The following DOCK10 variants were observed in gnomAD, a reference collection of about 807,000 sequenced individuals.
DOCK10 encodes the protein dedicator of cytokinesis protein 10.
In DOCK10, 145 loss-of-function variants were observed where a neutral mutation model predicts 280.1. That is an observed-to-expected ratio of 0.52 (90% confidence interval 0.45 to 0.59). The LOEUF (loss-of-function observed/expected upper bound fraction) is 0.59, where lower values mean the gene tolerates loss of function less well. Among genes scored for constraint, DOCK10 ranks in the 20% least tolerant of loss-of-function variants. DOCK10 has a pLI of 0.00. For synonymous variants in DOCK10, 915 were observed against 942.2 expected (o/e 0.97, Z 0.53); for missense variants, 2,368 against 2,651.7 (o/e 0.89, Z 2.35).
At chr2:224,980,776 T>C (rs1313196434) in intron 1 of DOCK10, among the ~76,000 whole-genome samples, 3 of 152,196 alleles carry the variant, frequency 2.0e-5, no homozygotes, top group Admixed American at 6.5e-5. Flanking sequence ...ATTTAGCAGC[T>C]GTGTAATGTT....
At chr2:224,801,294 A>C (rs1692983735) in intron 40 of DOCK10, among the ~76,000 whole-genome samples, 2 of 151,518 alleles carry the variant, frequency 1.3e-5, no homozygotes, top group South Asian at 4.2e-4. Flanking sequence ...AAAAAAAAAA[A>C]AAAAAAAAAC....
intron 30 of DOCK10, 72 bp from the exon 31 acceptor site, chr2:224,814,436 G>T: frequency 1.2e-6 from 1 of 818,080 alleles, no homozygotes; most frequent in Non-Finnish European, 1.8e-6. Context: ...TTCATTATGT[G>T]TAGTTTATAC....
chr2:224,783,415 C>T (rs1415957999), intron 50 of DOCK10, among the ~76,000 whole-genome samples: 1 of 151,974 alleles, frequency 6.6e-6, no homozygotes, highest in African/African-American at 2.4e-5. Flanking sequence ...GCTGGGATTA[C>T]AGGCGCTCGC....
chr2:224,993,587 T>C (rs942399915), intron 1 of DOCK10, among the ~76,000 whole-genome samples: 8 of 152,204 alleles, frequency 5.3e-5, no homozygotes, highest in African/African-American at 1.4e-4. Flanking sequence ...GCATTTCAGA[T>C]GAGAAGAATG....
At chr2:225,021,459 T>C (rs1186652849) in intron 1 of DOCK10, among the ~76,000 whole-genome samples, 1 of 152,194 alleles carries the variant, frequency 6.6e-6, no homozygotes, top group African/African-American at 2.4e-5. Context: ...AACCTAATTT[T>C]TATTTGCTAA....
chr2:224,911,275 C>T (rs77263653), intron 3 of DOCK10, among the ~76,000 whole-genome samples: 2,271 of 152,156 alleles, frequency 0.015, 52 homozygotes, highest in African/African-American at 0.052. Context: ...AAAATAAAGG[C>T]AAATTTTGTT....
intron 1 of DOCK10, among the ~76,000 whole-genome samples, chr2:225,009,843 T>A (rs1689384895): frequency 6.6e-6 from 1 of 152,178 alleles, no homozygotes; most frequent in Non-Finnish European, 1.5e-5. Flanking sequence ...TGCAGGCTGA[T>A]GTGGATGTGA....
intron 26 of DOCK10, among the ~76,000 whole-genome samples, chr2:224,831,983 G>A (rs1695270050): frequency 6.6e-6 from 1 of 152,178 alleles, no homozygotes; most frequent in Non-Finnish European, 1.5e-5. Flanking sequence ...GAGGACAGGT[G>A]CAGTATGAGA....
At chr2:224,903,447 A>G (rs1262117502) in intron 3 of DOCK10, among the ~76,000 whole-genome samples, 2 of 152,218 alleles carry the variant, frequency 1.3e-5, no homozygotes, top group Non-Finnish European at 2.9e-5. Flanking sequence ...TTCATGGTAA[A>G]TTGAAAGTGA....
chr2:224,916,108 C>A (rs1701294959), intron 3 of DOCK10, among the ~76,000 whole-genome samples: 4 of 152,190 alleles, frequency 2.6e-5, no homozygotes, highest in Admixed American at 2.6e-4. Flanking sequence ...TGAGATCTGG[C>A]CATTTGGCTG....
At chr2:225,037,899 G>A (rs138738963) in intron 1 of DOCK10, among the ~76,000 whole-genome samples, 1 of 152,118 alleles carries the variant, frequency 6.6e-6, no homozygotes, top group Non-Finnish European at 1.5e-5. Context: ...CAATGCCCTT[G>A]AGAAATAAAA....
chr2:224,859,527 G>A (rs1355975650), intron 14 of DOCK10, among the ~76,000 whole-genome samples: 1 of 152,144 alleles, frequency 6.6e-6, no homozygotes, highest in African/African-American at 2.4e-5. Flanking sequence ...TACTGCAGCT[G>A]GTGCCAAATA....
chr2:224,985,519 A>T (rs1309040296), intron 1 of DOCK10, among the ~76,000 whole-genome samples: 1 of 152,014 alleles, frequency 6.6e-6, no homozygotes, highest in Non-Finnish European at 1.5e-5. Flanking sequence ...TGCTCATAGG[A>T]AATGGAAGGA....
chr2:224,885,068 C>T (rs994350530), intron 7 of DOCK10, among the ~76,000 whole-genome samples: 1 of 152,194 alleles, frequency 6.6e-6, no homozygotes, highest in African/African-American at 2.4e-5. Context: ...GGCACGATCT[C>T]GGCTCACTGC....
chr2:225,032,241 T>TA (rs1446821494), intron 1 of DOCK10, among the ~76,000 whole-genome samples: 1 of 152,172 alleles, frequency 6.6e-6, no homozygotes, highest in Non-Finnish European at 1.5e-5. Flanking sequence ...CAAAGAAGCT[T>TA]AAAGACTTGG....
At chr2:224,919,761 A>G (rs192512758) in intron 2 of DOCK10, among the ~76,000 whole-genome samples, 1 of 152,146 alleles carries the variant, frequency 6.6e-6, no homozygotes, top group East Asian at 1.9e-4. Flanking sequence ...GTATCCTGTG[A>G]AAGAGGAAGA....
intron 1 of DOCK10, among the ~76,000 whole-genome samples, chr2:224,986,119 CACATAATGCTG>C (rs1705967595): frequency 6.6e-6 from 1 of 152,210 alleles, no homozygotes; most frequent in Non-Finnish European, 1.5e-5. Flanking sequence ...AGTCTTCTGA[CACATAATGCTG>C]ACCTTGGATG....
intron 1 of DOCK10, among the ~76,000 whole-genome samples, chr2:225,033,660 C>T (rs924208071): frequency 2.0e-5 from 3 of 152,130 alleles, no homozygotes; most frequent in Admixed American, 1.3e-4. Flanking sequence ...CCAGCAAACA[C>T]AAGCATTTAT....
rs1423331286 is a variant in DOCK10, at chr2:224,853,097, A to G, written c.1914T>C (p.Pro638=). Residue 638 remains proline, a synonymous_variant, in exon 17 of 56, where the codon CCT becomes CCC. Transcript: ENST00000258390. Reference sequence around the variant, plus strand: ...GAGCCATCATGTTGAAAGGCTTGACAGGGATAAAGGACGATGTTACACAAT... The same window carrying G: ...GAGCCATCATGTTGAAAGGCTTGACGGGGATAAAGGACGATGTTACACAAT... ...HPNCVTSSFI[P]VKPFNMMAQT... is the part of the protein sequence containing the mutation. The G allele has an allele frequency of 2.5e-6, 4 of 1,602,044 alleles. No homozygotes were observed. The highest frequency in any genetic ancestry group is 2.2e-5 in the South Asian group (2 of 89,358).
Sources: allele counts gnomAD v4.1 joint callset (sites outside exome capture counted in the v4.1 genomes callset), GRCh38; gene constraint gnomAD v4.1.1; transcripts MANE v1.5; gene names NCBI Gene and HGNC (gene_info 2026-07-23, HGNC 2026-07-21).